Variants in KHDRBS2 observed in about 807,000 individuals in gnomAD.
KHDRBS2 encodes KH RNA binding domain containing, signal transduction associated 2.
KHDRBS2 carries 26 observed loss-of-function variants against 44.3 expected under a neutral mutation model. That is an observed-to-expected ratio of 0.59 (90% confidence interval 0.43 to 0.81). The LOEUF is 0.81. Among genes scored for constraint, KHDRBS2 ranks in the 40% least tolerant of loss-of-function variants. KHDRBS2 has a pLI of 0.00. For synonymous variants in KHDRBS2, 194 were observed against 151.1 expected, an observed-to-expected ratio of 1.28 and a Z score of -2.08; for missense variants, 476 against 433.1, an observed-to-expected ratio of 1.10 and a Z score of -0.88.
At chr6:61,893,253 G>A (rs1802313302) in intron 6 of KHDRBS2, among the ~76,000 whole-genome samples, 1 of 152,130 alleles carries the variant, frequency 6.6e-6, no homozygotes, top group South Asian at 2.1e-4. Flanking sequence ...GAAACAACAG[G>A]TGCTGGAGAG....
chr6:62,157,134 T>G (rs1243288585), intron 2 of KHDRBS2, among the ~76,000 whole-genome samples: 25 of 151,110 alleles, frequency 1.7e-4, no homozygotes, highest in Non-Finnish European at 4.4e-5. Flanking sequence ...GGTGGGCGGA[T>G]CACGAGGTCA....
intron 6 of KHDRBS2, among the ~76,000 whole-genome samples, chr6:61,888,521 G>T (rs1801308684): frequency 6.6e-6 from 1 of 150,610 alleles, no homozygotes; most frequent in Admixed American, 6.6e-5. Flanking sequence ...AGAAAACAGA[G>T]ATGAGATAGG....
At chr6:61,613,675 A>T in the KHDRBS2 span, among the ~76,000 whole-genome samples, 2 of 152,198 alleles carry the variant, frequency 1.3e-5, no homozygotes, top group African/African-American at 4.8e-5. Context: ...CTTTAAATGA[A>T]GACATTTCTT....
the KHDRBS2 span, among the ~76,000 whole-genome samples, chr6:61,546,624 T>C: frequency 1.3e-5 from 2 of 152,110 alleles, no homozygotes; most frequent in East Asian, 3.9e-4. Flanking sequence ...GAAAGGTTAA[T>C]AAAAAACAAG....
At chr6:61,940,429 T>A (rs1114027) in intron 4 of KHDRBS2, among the ~76,000 whole-genome samples, 10,184 of 152,014 alleles carry the variant, frequency 0.067, 408 homozygotes, top group Middle Eastern at 0.13. Flanking sequence ...GCCCTACAAC[T>A]AACATAGGGA....
intron 3 of KHDRBS2, among the ~76,000 whole-genome samples, chr6:62,015,967 C>A (rs928958078): frequency 1.3e-5 from 2 of 152,288 alleles, no homozygotes; most frequent in South Asian, 4.1e-4. Flanking sequence ...TACTTATAGT[C>A]ATTAGCCTTC....
In KHDRBS2 at chr6:62,066,053, G is replaced by A. The variant is rs73487226; in HGVS notation, c.220-18059C>T. 8.2e-3 allele frequency among the ~76,000 whole-genome samples: 1,245 copies of A among 151,612 alleles called. 16 individuals are homozygous for A. The highest frequency in any genetic ancestry group is 0.029 in the African/African-American group (1,203 of 41,412). The stretch of plus-strand genomic sequence containing the variant: ...AGTCCTTAAATGTATTCAAAGACAC[G>A]TCTTTGCCATATTTATACAACTGTA... On this transcript the variant is annotated intron_variant, in intron 2 of 8. Coordinates refer to ENST00000281156, the MANE Select transcript of KHDRBS2 (RefSeq NM_152688.4).
chr6:62,184,522 A>G (rs568535352), intron 1 of KHDRBS2, among the ~76,000 whole-genome samples: 3 of 151,910 alleles, frequency 2.0e-5, no homozygotes, highest in African/African-American at 7.2e-5. Context: ...AAAAGAATGT[A>G]AAAATTGAGG....
rs770574517 is a variant in KHDRBS2, at chr6:62,075,280, C to A, written c.220-27286G>T. On this transcript the variant is annotated intron_variant, in intron 2 of 8. Transcript: ENST00000281156. ...AAAGAGGCCTGAGGAAGCTTGTTCA[C>A]CCCCTCCACCATGTGAGGACACAGA... Among the ~76,000 whole-genome samples, 5 of 151,822 alleles carry A rather than the reference C, an allele frequency of 3.3e-5. No homozygotes were observed. In the South Asian group the frequency reaches 6.2e-4, roughly 19 times the overall value.
chr6:61,911,568 C>A (rs1449942914), intron 4 of KHDRBS2, among the ~76,000 whole-genome samples: 2 of 152,102 alleles, frequency 1.3e-5, no homozygotes, highest in African/African-American at 2.4e-5. Flanking sequence ...AAATTATTTA[C>A]AATATAATAC....
At chr6:62,191,597 G>T (rs990929571) in intron 1 of KHDRBS2, among the ~76,000 whole-genome samples, 5 of 152,048 alleles carry the variant, frequency 3.3e-5, no homozygotes, top group African/African-American at 1.2e-4. Context: ...CATTACAATA[G>T]ATAACTTAGA....
intron 1 of KHDRBS2, among the ~76,000 whole-genome samples, chr6:62,200,180 G>C (rs888203521): frequency 2.0e-5 from 3 of 152,068 alleles, no homozygotes; most frequent in African/African-American, 7.3e-5. Context: ...CATGGGCAAG[G>C]ACTTCATGTC....
chr6:61,803,634 C>T (rs1786644155), intron 6 of KHDRBS2, among the ~76,000 whole-genome samples: 1 of 152,062 alleles, frequency 6.6e-6, no homozygotes, highest in Admixed American at 6.6e-5. Flanking sequence ...TTTGGATCCT[C>T]ATTACTTATG....
At chr6:61,806,875 A>G (rs538199914) in intron 6 of KHDRBS2, among the ~76,000 whole-genome samples, 1 of 152,270 alleles carries the variant, frequency 6.6e-6, no homozygotes, top group South Asian at 2.1e-4. Context: ...TAAAGTTTTG[A>G]TACATGTATA....
chr6:61,543,087 G>A, the KHDRBS2 span, among the ~76,000 whole-genome samples: 1 of 151,936 alleles, frequency 6.6e-6, no homozygotes, highest in South Asian at 2.1e-4. Context: ...ACAAGCACAG[G>A]CAACCAAAGC....
chr6:61,646,921 GTAATTCTCC>G, the KHDRBS2 span, among the ~76,000 whole-genome samples: 48 of 152,240 alleles, frequency 3.2e-4, no homozygotes, highest in African/African-American at 1.0e-3. Context: ...CGGGGTTCAA[GTAATTCTCC>G]CTTCTCAGCT....
At chr6:62,179,932 T>C (rs1176774132) in intron 1 of KHDRBS2, among the ~76,000 whole-genome samples, 5 of 151,834 alleles carry the variant, frequency 3.3e-5, no homozygotes, top group African/African-American at 1.2e-4. Context: ...CCATGACTAA[T>C]AGATCAATAC....
chr6:61,938,357 G>C (rs1394572281), intron 4 of KHDRBS2, among the ~76,000 whole-genome samples: 2 of 152,144 alleles, frequency 1.3e-5, no homozygotes, highest in African/African-American at 4.8e-5. Flanking sequence ...GAGTTAGGAA[G>C]TGTTTCCAGT....
intron 6 of KHDRBS2, among the ~76,000 whole-genome samples, chr6:61,799,017 C>A (rs1785826956): frequency 6.6e-6 from 1 of 151,954 alleles, no homozygotes; most frequent in Non-Finnish European, 1.5e-5. Context: ...GCCAAAGGAA[C>A]AGGTGAAAAA....
Sources: gnomAD v4.1 joint callset for allele counts (sites outside exome capture counted in the v4.1 genomes callset) on GRCh38, gnomAD v4.1.1 for gene constraint, MANE v1.5 for transcripts, NCBI Gene and HGNC (gene_info 2026-07-23, HGNC 2026-07-21) for gene names.